The following ZHX2 variants were observed in gnomAD, a reference collection of about 807,000 sequenced individuals.
The protein encoded by ZHX2 is zinc fingers and homeoboxes 2, also known as zinc fingers and homeoboxes protein 2.
In ZHX2, 6 loss-of-function variants were observed where a neutral mutation model predicts 21.9. The ratio of observed to expected loss-of-function variants is 0.27; its 90% confidence interval spans 0.15 to 0.54. The LOEUF (loss-of-function observed/expected upper bound fraction) is 0.54. Ranked by LOEUF, ZHX2 falls within the 20% of genes least tolerant of loss-of-function variation. The probability of loss-of-function intolerance (pLI) is 0.95; values close to 1 mark genes in which losing one functional copy is unlikely to be tolerated. For missense variants in ZHX2, 908 were observed against 1,090.7 expected (o/e 0.83, Z 2.36); for synonymous variants, 434 against 437.1 (o/e 0.99, Z 0.09).
intron 1 of ZHX2, among the ~76,000 whole-genome samples, chr8:122,826,727 C>T (rs1215411241): frequency 6.6e-6 from 1 of 152,108 alleles, no homozygotes; most frequent in East Asian, 1.9e-4. Flanking sequence ...GTGGAAGCTT[C>T]TAGAATGTGT....
At chr8:122,909,751 G>A (rs985004795) in intron 2 of ZHX2, among the ~76,000 whole-genome samples, 5 of 152,136 alleles carry the variant, frequency 3.3e-5, no homozygotes, top group Admixed American at 3.3e-4. Context: ...CACTGCTGCT[G>A]TCCTGTGGGC....
At chr8:122,793,454 A>C (rs879771842) in intron 1 of ZHX2, among the ~76,000 whole-genome samples, 1 of 152,194 alleles carries the variant, frequency 6.6e-6, no homozygotes, top group African/African-American at 2.4e-5. Context: ...TGGCTCTGTT[A>C]TCTCCAAAGC....
At chr8:122,816,265 A>G (rs931684613) in intron 1 of ZHX2, 4 of 151,968 alleles carry the variant, frequency 2.6e-5, no homozygotes, top group Non-Finnish European at 5.9e-5. Context: ...CATTTTTTTT[A>G]TGTGTACTGC....
Position 122,938,835 on chromosome 8 carries a change from C to CA in ZHX2, c.-219-12448dup, listed in dbSNP as rs112900479. ...CCTGGGCAACAGAGCAAGACTCTGT[C>CA]AAAAAAAAAGAAAAAGAAGGAGAAG... On this transcript the variant is annotated intron_variant, in intron 2 of 3. Coordinates refer to ENST00000314393, the MANE Select transcript of ZHX2 (RefSeq NM_014943.5). 3.6e-3 allele frequency among the ~76,000 whole-genome samples: 536 copies of CA among 148,086 alleles called. 2 individuals carry two copies. Among genetic ancestry groups the CA allele is most frequent in the African/African-American group, 0.012 (489 of 40,162 alleles).
intron 2 of ZHX2, among the ~76,000 whole-genome samples, chr8:122,930,256 G>A (rs144600266): frequency 2.6e-4 from 40 of 152,292 alleles, no homozygotes; most frequent in Admixed American, 9.1e-4. Context: ...CAGCATCACC[G>A]CGGTCATTAC....
chr8:122,877,687 C>T (rs528301011), intron 2 of ZHX2, among the ~76,000 whole-genome samples: 5 of 152,212 alleles, frequency 3.3e-5, no homozygotes, highest in African/African-American at 4.8e-5. Context: ...AGGCCTGTCC[C>T]GGGGAAGTGG....
At chr8:122,804,311 G>A (rs1817781845) in intron 1 of ZHX2, among the ~76,000 whole-genome samples, 1 of 152,116 alleles carries the variant, frequency 6.6e-6, no homozygotes, top group Admixed American at 6.5e-5. Flanking sequence ...GTTTCACCTT[G>A]TTGGTTAGGC....
intron 2 of ZHX2, among the ~76,000 whole-genome samples, chr8:122,936,340 C>A (rs1018670004): frequency 2.0e-5 from 3 of 152,152 alleles, no homozygotes; most frequent in East Asian, 1.9e-4. Context: ...AAAAATAAAG[C>A]CTTGAAGTTT....
intron 2 of ZHX2, among the ~76,000 whole-genome samples, chr8:122,867,850 T>C (rs2129663831): frequency 6.6e-6 from 1 of 152,340 alleles, no homozygotes; most frequent in Admixed American, 6.5e-5. Context: ...GCTTTTTTCT[T>C]GCAATATGTT....
chr8:122,849,994 T>G (rs1321605766), intron 1 of ZHX2, among the ~76,000 whole-genome samples: 1 of 152,172 alleles, frequency 6.6e-6, no homozygotes, highest in East Asian at 1.9e-4. Flanking sequence ...TTGAGAGGCT[T>G]CCCAAACTTA....
At chr8:122,814,857 TG>T (rs1464618642) in intron 1 of ZHX2, among the ~76,000 whole-genome samples, 10 of 150,072 alleles carry the variant, frequency 6.7e-5, no homozygotes, top group African/African-American at 2.4e-4. Flanking sequence ...GGCATCGGTT[TG>T]TTTTTTTAAT....
chr8:122,933,557 G>C (rs1282518571), intron 2 of ZHX2, among the ~76,000 whole-genome samples: 2 of 151,946 alleles, frequency 1.3e-5, no homozygotes, highest in African/African-American at 2.4e-5. Flanking sequence ...TCCACACGGA[G>C]AAAGAATACT....
intron 2 of ZHX2, among the ~76,000 whole-genome samples, chr8:122,875,881 C>T (rs1819560400): frequency 1.3e-5 from 2 of 152,228 alleles, no homozygotes; most frequent in Non-Finnish European, 2.9e-5. Context: ...TTGTTTTCTT[C>T]CCTGACCCCT....
At chr8:122,938,404 G>A (rs1043129162) in intron 2 of ZHX2, among the ~76,000 whole-genome samples, 5 of 152,172 alleles carry the variant, frequency 3.3e-5, no homozygotes, top group Admixed American at 2.0e-4. Flanking sequence ...CCAGGGCTAG[G>A]AATGTTGGTT....
chr8:122,929,790 A>G (rs530323465), intron 2 of ZHX2, among the ~76,000 whole-genome samples: 1 of 152,276 alleles, frequency 6.6e-6, no homozygotes, highest in East Asian at 1.9e-4. Context: ...CAGTCTCAAA[A>G]TCTATGGAGT....
rs563516625 is a variant in ZHX2, at chr8:122,901,281, C to T, written c.-220+37742C>T. Among the ~76,000 whole-genome samples, 158 of 152,248 alleles carry T rather than the reference C, an allele frequency of 1.0e-3. 1 individual carries two copies. Among genetic ancestry groups the T allele is most frequent in the Admixed American group, 1.6e-3 (24 of 15,300 alleles). ...GTCTGTCTACCACTACCCAACCTAC[C>T]TCCCCTGCTTCTGGAAGAAAATGTC... On this transcript the variant is annotated intron_variant, in intron 2 of 3. Transcript: ENST00000314393.
intron 2 of ZHX2, among the ~76,000 whole-genome samples, chr8:122,916,618 C>T (rs1270551904): frequency 6.6e-6 from 1 of 152,110 alleles, no homozygotes; most frequent in Non-Finnish European, 1.5e-5. Context: ...TGTACTTGCT[C>T]ACCGTCTTGC....
intron 1 of ZHX2, among the ~76,000 whole-genome samples, chr8:122,839,363 G>A (rs948606029): frequency 2.6e-5 from 4 of 151,978 alleles, no homozygotes; most frequent in African/African-American, 9.7e-5. Context: ...TTTTTAGCTG[G>A]TACAGCCTCT....
intron 2 of ZHX2, among the ~76,000 whole-genome samples, chr8:122,910,713 C>T (rs1016990622): frequency 5.9e-5 from 9 of 151,918 alleles, no homozygotes; most frequent in African/African-American, 2.2e-4. Flanking sequence ...GACCCTTCCC[C>T]AGCCAGTGTG....
Sources: allele counts gnomAD v4.1 joint callset (sites outside exome capture counted in the v4.1 genomes callset), GRCh38; gene constraint gnomAD v4.1.1; transcripts MANE v1.5; gene names NCBI Gene and HGNC (gene_info 2026-07-23, HGNC 2026-07-21).